Variants in NELL1 observed in about 807,000 individuals in gnomAD.
The protein encoded by NELL1 is neural EGFL like 1.
In NELL1, 76 loss-of-function variants were observed where a neutral mutation model predicts 107.4. The ratio of observed to expected loss-of-function variants is 0.71; its 90% CI spans 0.59 to 0.86. The LOEUF is 0.86. Ranked by LOEUF, NELL1 falls within the 40% of genes least tolerant of loss-of-function variation. NELL1 has a pLI of 0.00. For synonymous variants in NELL1, 353 were observed against 341.2 expected (o/e 1.03, Z -0.38); for missense variants, 1,024 against 1,005.5 (o/e 1.02, Z -0.25).
intron 13 of NELL1, among the ~76,000 whole-genome samples, chr11:21,166,187 C>T (rs552474523): frequency 1.3e-5 from 2 of 151,326 alleles, no homozygotes; most frequent in African/African-American, 4.9e-5. Flanking sequence ...AACAAGTGAA[C>T]CCATGAAGAT....
chr11:20,884,718 G>A (rs928726977), intron 4 of NELL1, among the ~76,000 whole-genome samples: 1 of 152,202 alleles, frequency 6.6e-6, no homozygotes, highest in Non-Finnish European at 1.5e-5. Context: ...TTATGTGCCT[G>A]TATGGATCAG....
intron 14 of NELL1, among the ~76,000 whole-genome samples, chr11:21,250,599 A>G (rs1234543380): frequency 6.6e-6 from 1 of 152,206 alleles, no homozygotes; most frequent in East Asian, 1.9e-4. Context: ...AGGAATTTAG[A>G]ACACAAACAA....
intron 14 of NELL1, among the ~76,000 whole-genome samples, chr11:21,352,695 T>C (rs1850845352): frequency 6.6e-6 from 1 of 152,188 alleles, no homozygotes. Flanking sequence ...TCAGTGATGT[T>C]CTTATCCCCC....
intron 14 of NELL1, among the ~76,000 whole-genome samples, chr11:21,308,678 C>T (rs1849661611): frequency 6.6e-6 from 1 of 152,010 alleles, no homozygotes; most frequent in African/African-American, 2.4e-5. Context: ...CCTCCTCCCC[C>T]AATTCACTAT....
At chr11:21,218,333 G>T (rs543386959) in intron 13 of NELL1, among the ~76,000 whole-genome samples, 1 of 151,852 alleles carries the variant, frequency 6.6e-6, no homozygotes, top group African/African-American at 2.4e-5. Flanking sequence ...AAGATTTCTC[G>T]ATCAATTTTT....
At chr11:20,748,903 C>G (rs2403621) in intron 2 of NELL1, among the ~76,000 whole-genome samples, 8 of 43,364 alleles carry the variant, frequency 1.8e-4, no homozygotes, top group South Asian at 6.7e-4. Context: ...CATCCATCCA[C>G]CCAGCCACCC....
At chr11:21,083,154 T>A (rs1236073340) in intron 12 of NELL1, among the ~76,000 whole-genome samples, 2 of 152,182 alleles carry the variant, frequency 1.3e-5, no homozygotes, top group East Asian at 3.9e-4. Context: ...TAAGTCAGTA[T>A]GTGTTTTTAT....
At chr11:20,744,980 A>T (rs975573919) in intron 2 of NELL1, among the ~76,000 whole-genome samples, 1 of 152,186 alleles carries the variant, frequency 6.6e-6, no homozygotes, top group South Asian at 2.1e-4. Context: ...CCTTAGAGAC[A>T]TCTTTGAGGA....
intron 1 of NELL1, among the ~76,000 whole-genome samples, chr11:20,677,365 G>C (rs909191058): frequency 4.6e-5 from 7 of 152,092 alleles, no homozygotes; most frequent in African/African-American, 1.7e-4. Context: ...AGGTGGATCA[G>C]GGCCACAATC....
At chr11:21,452,026 G>GAAC (rs1272890815) in intron 15 of NELL1, among the ~76,000 whole-genome samples, 2 of 152,084 alleles carry the variant, frequency 1.3e-5, no homozygotes, top group African/African-American at 4.8e-5. Context: ...TTTTAGACCT[G>GAAC]AACTATTCTG....
intron 12 of NELL1, among the ~76,000 whole-genome samples, chr11:21,011,519 C>T (rs768686097): frequency 3.9e-5 from 6 of 152,120 alleles, no homozygotes; most frequent in East Asian, 3.9e-4. Flanking sequence ...TACCTCCACC[C>T]GGCTCCCCTT....
intron 12 of NELL1, among the ~76,000 whole-genome samples, chr11:20,966,200 T>C (rs1246728868): frequency 6.6e-6 from 1 of 152,020 alleles, no homozygotes; most frequent in Non-Finnish European, 1.5e-5. Context: ...GGCTAAGAAG[T>C]CCAAAATGAA....
At chr11:20,913,552 A>G (rs927634121) in intron 5 of NELL1, among the ~76,000 whole-genome samples, 7 of 152,140 alleles carry the variant, frequency 4.6e-5, no homozygotes, top group African/African-American at 1.7e-4. Context: ...AATAATGGGC[A>G]TTAGTTCCCT....
chr11:21,106,782 C>A (rs1225670156), intron 12 of NELL1, among the ~76,000 whole-genome samples: 1 of 152,042 alleles, frequency 6.6e-6, no homozygotes, highest in Non-Finnish European at 1.5e-5. Flanking sequence ...GTTTTTCCCC[C>A]CTTGCTTTAG....
At chr11:21,278,911 A>G (rs1388360224) in intron 14 of NELL1, among the ~76,000 whole-genome samples, 1 of 152,194 alleles carries the variant, frequency 6.6e-6, no homozygotes, top group Admixed American at 6.5e-5. Flanking sequence ...AAAACAGTGT[A>G]GTACTGATGA....
chr11:20,754,065 G>T (rs2133948446), intron 2 of NELL1, among the ~76,000 whole-genome samples: 1 of 152,282 alleles, frequency 6.6e-6, no homozygotes, highest in South Asian at 2.1e-4. Flanking sequence ...CCATAGAGTT[G>T]CAGGGTGGAG....
At chr11:20,736,744 C>T (rs1054705527) in intron 2 of NELL1, among the ~76,000 whole-genome samples, 1 of 151,560 alleles carries the variant, frequency 6.6e-6, no homozygotes, top group Non-Finnish European at 1.5e-5. Flanking sequence ...CTCCCCTCCC[C>T]CTCCCTTCCT....
intron 3 of NELL1, among the ~76,000 whole-genome samples, chr11:20,815,911 G>A (rs928479322): frequency 6.6e-6 from 1 of 152,058 alleles, no homozygotes; most frequent in African/African-American, 2.4e-5. Flanking sequence ...TGAATGGGGA[G>A]CCCTTTCCCC....
intron 12 of NELL1, among the ~76,000 whole-genome samples, chr11:21,036,748 TCACACACACA>T (rs1207127983): frequency 2.0e-5 from 3 of 150,438 alleles, no homozygotes; most frequent in African/African-American, 7.4e-5. Flanking sequence ...ACACACACAC[TCACACACACA>T]AACACACACA....
Sources: allele counts gnomAD v4.1 joint callset (sites outside exome capture counted in the v4.1 genomes callset), GRCh38; gene constraint gnomAD v4.1.1; transcripts MANE v1.5; gene names NCBI Gene and HGNC (gene_info 2026-07-23, HGNC 2026-07-21).